Variants in DCDC1 observed in about 807,000 individuals in gnomAD.
The protein encoded by DCDC1 is doublecortin domain-containing protein 1.
Under a neutral mutation model 178.3 loss-of-function variants are expected in DCDC1, and 200 were observed. The ratio of observed to expected loss-of-function variants is 1.12; its 90% confidence interval spans 1.00 to 1.26. DCDC1 has a LOEUF of 1.26. DCDC1 is among the 50% of genes most tolerant of loss of function. The probability of loss-of-function intolerance (pLI) is 0.00; values close to 1 mark genes in which losing one functional copy is unlikely to be tolerated. For synonymous variants in DCDC1, 690 were observed against 604.8 expected (o/e 1.14, Z -2.07); for missense variants, 1,983 against 1,749.2 (o/e 1.13, Z -2.38).
At chr11:31,362,471 A>T (rs1259856710) in intron 1 of DCDC1, among the ~76,000 whole-genome samples, 1 of 152,230 alleles carries the variant, frequency 6.6e-6, no homozygotes, top group African/African-American at 2.4e-5. Flanking sequence ...GAAAATATAC[A>T]ATTAATATTC....
chr11:31,030,930 C>T (rs965209428), intron 20 of DCDC1, among the ~76,000 whole-genome samples: 6 of 151,630 alleles, frequency 4.0e-5, no homozygotes, highest in African/African-American at 1.5e-4. Context: ...CACACTTATA[C>T]CCAGTTATTT....
intron 7 of DCDC1, among the ~76,000 whole-genome samples, chr11:31,277,857 G>T (rs1946106034): frequency 1.3e-5 from 2 of 151,932 alleles, no homozygotes; most frequent in South Asian, 4.1e-4. Flanking sequence ...CTCTCATTCT[G>T]TGGCTTGCCT....
intron 38 of DCDC1, among the ~76,000 whole-genome samples, chr11:30,867,536 G>A (rs1941108924): frequency 6.6e-6 from 1 of 152,162 alleles, no homozygotes; most frequent in South Asian, 2.1e-4. Flanking sequence ...TCTCATTTGA[G>A]TCTTATGCCA....
intron 9 of DCDC1, among the ~76,000 whole-genome samples, chr11:31,143,012 A>G (rs7947992): frequency 0.26 from 40,035 of 152,042 alleles, 5,416 homozygotes; most frequent in African/African-American, 0.32. Flanking sequence ...TCCACACGCA[A>G]CAAACTGTAC....
At chr11:31,167,213 C>G (rs937770325) in intron 9 of DCDC1, among the ~76,000 whole-genome samples, 1 of 152,080 alleles carries the variant, frequency 6.6e-6, no homozygotes, top group Non-Finnish European at 1.5e-5. Context: ...GATGTCCAAG[C>G]AAATATGTCA....
At chr11:31,021,094 G>T (rs549173020) in intron 20 of DCDC1, among the ~76,000 whole-genome samples, 1 of 152,272 alleles carries the variant, frequency 6.6e-6, no homozygotes, top group Non-Finnish European at 1.5e-5. Flanking sequence ...TATTATCAAA[G>T]CTATGTATGC....
In DCDC1 at chr11:30,903,632, C is replaced by G; in HGVS notation, c.4360G>C (p.Val1454Leu). ...ATTGGGGTTCCATCTTTGGTATATA[C>G]TTTGGAGGCTGCTCTGGCAAGCCCA... The part of the protein sequence containing the change: ...QLGLARAASK[V>L]YTKDGTPIFT... Residue 1454 changes from valine to leucine, a missense_variant, in exon 32 of 39, where the codon GTA (valine) becomes CTA (leucine). By Grantham distance (32) the Val-to-Leu change is conservative. Coordinates refer to ENST00000684477, the MANE Select transcript of DCDC1 (RefSeq NM_001387274.1). The G allele has an allele frequency of 6.2e-7, 1 of 1,611,120 alleles. No homozygotes were observed. The highest frequency in any genetic ancestry group is 8.5e-7 in the Non-Finnish European group (1 of 1,178,630).
chr11:31,288,031 T>G (rs1946963784), intron 7 of DCDC1, among the ~76,000 whole-genome samples: 1 of 151,828 alleles, frequency 6.6e-6, no homozygotes, highest in Non-Finnish European at 1.5e-5. Flanking sequence ...AAGATATAAT[T>G]ATTAACTACT....
chr11:31,141,656 T>C (rs1963844320), intron 9 of DCDC1, among the ~76,000 whole-genome samples: 1 of 152,220 alleles, frequency 6.6e-6, no homozygotes, highest in Non-Finnish European at 1.5e-5. Context: ...AACATGATAA[T>C]CAGCCTTCAT....
At chr11:31,304,374 C>T (rs1948319614) in intron 6 of DCDC1, among the ~76,000 whole-genome samples, 1 of 152,012 alleles carries the variant, frequency 6.6e-6, no homozygotes, top group Admixed American at 6.6e-5. Context: ...CACTACGACC[C>T]ATGTTTTTAT....
intron 32 of DCDC1, among the ~76,000 whole-genome samples, chr11:30,901,220 A>C (rs993178346): frequency 6.6e-6 from 1 of 152,152 alleles, no homozygotes; most frequent in South Asian, 2.1e-4. Flanking sequence ...TATTCGTGAT[A>C]TAGCTAACAG....
At chr11:31,324,985 T>C (rs1195534430) in intron 3 of DCDC1, among the ~76,000 whole-genome samples, 5 of 152,118 alleles carry the variant, frequency 3.3e-5, no homozygotes, top group Non-Finnish European at 5.9e-5. Context: ...CCTCAGGGAA[T>C]TGTAAGAGTT....
chr11:30,920,967 A>G, intron 24 of DCDC1, 32 bp from the exon 25 acceptor site: 1 of 1,578,402 alleles, frequency 6.3e-7, no homozygotes. Flanking sequence ...GCAAAGACAT[A>G]TTACTTACAA....
At chr11:31,244,121 C>T (rs181502626) in intron 8 of DCDC1, among the ~76,000 whole-genome samples, 46 of 151,728 alleles carry the variant, frequency 3.0e-4, no homozygotes, top group East Asian at 2.9e-3. Context: ...AATCAGCCTA[C>T]GTTATACTAA....
At chr11:30,876,588 C>T (rs975882396) in intron 38 of DCDC1, among the ~76,000 whole-genome samples, 3 of 152,124 alleles carry the variant, frequency 2.0e-5, no homozygotes, top group Non-Finnish European at 4.4e-5. Context: ...AGACTTTTGC[C>T]TTATGTCTCC....
chr11:31,191,063 A>C (rs766004065), intron 9 of DCDC1, among the ~76,000 whole-genome samples: 5 of 152,074 alleles, frequency 3.3e-5, no homozygotes, highest in South Asian at 2.1e-4. Flanking sequence ...ACTTATACTT[A>C]ATTGAATGTA....
intron 1 of DCDC1, among the ~76,000 whole-genome samples, chr11:31,350,642 G>A (rs1206308491): frequency 6.6e-6 from 1 of 152,064 alleles, no homozygotes; most frequent in East Asian, 1.9e-4. Flanking sequence ...GATCCATCCT[G>A]TTTACAAGTA....
intron 3 of DCDC1, among the ~76,000 whole-genome samples, chr11:31,309,321 T>C (rs1007820028): frequency 1.3e-5 from 2 of 152,140 alleles, no homozygotes; most frequent in Non-Finnish European, 2.9e-5. Context: ...TCCCTACACA[T>C]TGGATATAAC....
chr11:31,004,475 C>T (rs1404873443), intron 20 of DCDC1, among the ~76,000 whole-genome samples: 5 of 149,002 alleles, frequency 3.4e-5, no homozygotes, highest in African/African-American at 1.2e-4. Context: ...AGATCGAGAC[C>T]ATCCTGGCTA....
Sources: gnomAD v4.1 joint callset for allele counts (sites outside exome capture counted in the v4.1 genomes callset) on GRCh38, gnomAD v4.1.1 for gene constraint, MANE v1.5 for transcripts, NCBI Gene and HGNC (gene_info 2026-07-23, HGNC 2026-07-21) for gene names.